The following PCDHA2 variants were observed in gnomAD, a reference collection of about 807,000 sequenced individuals.
PCDHA2 encodes protocadherin alpha 2, also known as protocadherin alpha-2.
PCDHA2 carries 58 observed loss-of-function variants against 66.0 expected under a neutral mutation model. That is an observed-to-expected ratio of 0.88 (90% CI 0.71 to 1.09). The LOEUF (loss-of-function observed/expected upper bound fraction) is 1.09. PCDHA2 is among the 50% of genes least tolerant of loss of function. The probability of loss-of-function intolerance (pLI) is 0.00; values close to 1 mark genes in which losing one functional copy is unlikely to be tolerated. For synonymous variants in PCDHA2, 634 were observed against 554.0 expected, an observed-to-expected ratio of 1.14 and a Z score of -2.03; for missense variants, 1,267 against 1,242.3, an observed-to-expected ratio of 1.02 and a Z score of -0.30.
In PCDHA2 at chr5:140,795,539, T is replaced by G; in HGVS notation, c.575T>G (p.Leu192Trp). The G allele has an allele frequency of 6.2e-7, 1 of 1,614,150 alleles. No individual in the cohort carries two copies. The highest frequency in any genetic ancestry group is 8.5e-7 in the Non-Finnish European group (1 of 1,180,028). The change falls in exon 1 of 4, where the codon TTG becomes TGG. Residue 192 changes from leucine (L) to tryptophan (W), a missense_variant. Leu to Trp is a moderately conservative substitution (Grantham distance 61, BLOSUM62 -2). Coordinates refer to ENST00000526136, the MANE Select transcript of PCDHA2 (RefSeq NM_018905.3). ...GCAAATGATGAACTAAGCGAATCTTTGTCTCTCGTGCTGGGGAAATCGCTG... is the reference window on the plus strand; with the variant it reads ...GCAAATGATGAACTAAGCGAATCTTGGTCTCTCGTGCTGGGGAAATCGCTG... ...IQANDELSESLSLVLGKSLDR... is the reference protein window; with the variant it reads ...IQANDELSESWSLVLGKSLDR...
At chr5:140,809,825 T>G (rs1764550804) in intron 1 of PCDHA2, 1 of 373,208 alleles carries the variant, frequency 2.7e-6, no homozygotes, top group Admixed American at 4.3e-5. Context: ...ATATTCACCC[T>G]CTTTGTTTTT....
chr5:140,874,505 T>C (rs550206385), intron 1 of PCDHA2, among the ~76,000 whole-genome samples: 1 of 152,366 alleles, frequency 6.6e-6, no homozygotes, highest in African/African-American at 2.4e-5. Context: ...GTTCACATTC[T>C]CTTGACTTTA....
chr5:140,813,856 A>T (rs1765389446), intron 1 of PCDHA2: 1 of 152,236 alleles, frequency 6.6e-6, no homozygotes, highest in Non-Finnish European at 1.5e-5. Flanking sequence ...AAAATTAGCT[A>T]GGTGTGGTGA....
At chr5:140,975,365 A>G (rs186836387) in intron 1 of PCDHA2, among the ~76,000 whole-genome samples, 5 of 152,370 alleles carry the variant, frequency 3.3e-5, no homozygotes, top group Admixed American at 2.0e-4. Context: ...GCTACATAGC[A>G]TAATGTAATC....
chr5:141,000,839 C>G (rs1194048512), intron 3 of PCDHA2, among the ~76,000 whole-genome samples: 1 of 151,970 alleles, frequency 6.6e-6, no homozygotes, highest in Admixed American at 6.6e-5. Flanking sequence ...TCCAGGAGAT[C>G]CAGTCTGGCA....
intron 1 of PCDHA2, chr5:140,805,465 T>C (rs1201496282): frequency 3.0e-6 from 3 of 1,013,086 alleles, no homozygotes; most frequent in Non-Finnish European, 3.5e-6. Flanking sequence ...GTGAGTGTAG[T>C]TCTTCAATAG....
intron 1 of PCDHA2, among the ~76,000 whole-genome samples, chr5:140,976,378 C>T (rs908008970): frequency 6.6e-6 from 1 of 151,926 alleles, no homozygotes; most frequent in Admixed American, 6.6e-5. Context: ...TGGTGAAACC[C>T]CATCTCTACT....
chr5:140,859,508 T>G (rs1298997050), intron 1 of PCDHA2: 1 of 197,594 alleles, frequency 5.1e-6, no homozygotes, highest in Non-Finnish European at 1.0e-5. Context: ...CTGATACCCA[T>G]GATTTCATTT....
chr5:140,837,346 A>T (rs1387832105), intron 1 of PCDHA2, among the ~76,000 whole-genome samples: 1 of 152,056 alleles, frequency 6.6e-6, no homozygotes, highest in African/African-American at 2.4e-5. Flanking sequence ...AATTTAAAAT[A>T]GTTTAAATGG....
Position 140,823,081 on chromosome 5 carries a change from G to A in PCDHA2, c.2388+25729G>A, listed in dbSNP as rs2150122016. On this transcript the variant is annotated intron_variant, in intron 1 of 3. Transcript: ENST00000526136. ...GGACGGGGGCTCGCCTTCGCTGTGG[G>A]CCACCGCCAGCGTGTCTGTGGAAGT... 282 of 1,613,818 alleles carry A rather than the reference G, an allele frequency of 1.7e-4. 1 individual carries two copies. The highest frequency in any genetic ancestry group is 2.2e-4 in the Non-Finnish European group (265 of 1,180,014).
Position 140,978,929 on chromosome 5 carries a change from C to T in PCDHA2, c.2389-20C>T. 6.2e-7 allele frequency: 1 copy of T among 1,613,998 alleles called. No homozygotes were observed. Among genetic ancestry groups the T allele is most frequent in the Non-Finnish European group, 8.5e-7 (1 of 1,179,996 alleles). On this transcript the variant is annotated intron_variant, in intron 1 of 3. Coordinates refer to ENST00000526136, the MANE Select transcript of PCDHA2 (RefSeq NM_018905.3). ...ATTGTCTTGTCATTTTAACAGAAAACTCTCTTTGTGATTTTGCAGCCACGA... is the reference window on the plus strand; with the variant it reads ...ATTGTCTTGTCATTTTAACAGAAAATTCTCTTTGTGATTTTGCAGCCACGA...
chr5:140,830,293 G>A (rs2150184620), intron 1 of PCDHA2: 3 of 1,613,856 alleles, frequency 1.9e-6, no homozygotes, highest in Non-Finnish European at 2.5e-6. Flanking sequence ...CGTGCACGGC[G>A]GACAAGCCCA....
intron 1 of PCDHA2, chr5:140,852,998 C>A (rs2150526910): frequency 6.5e-6 from 2 of 309,332 alleles, no homozygotes; most frequent in East Asian, 1.7e-4. Context: ...CCTGCCTCAG[C>A]CTCCCGAGTA....
intron 1 of PCDHA2, among the ~76,000 whole-genome samples, chr5:140,953,146 A>G (rs1554220822): frequency 6.6e-6 from 1 of 152,152 alleles, no homozygotes; most frequent in Non-Finnish European, 1.5e-5. Context: ...TTATATTTCT[A>G]TGAAGGGTGT....
chr5:140,966,709 G>C, intron 1 of PCDHA2: 1 of 1,387,174 alleles, frequency 7.2e-7, no homozygotes. Context: ...CGTGGGGCAC[G>C]GCTGGGGAAG....
At chr5:140,907,341 G>A (rs376587538) in intron 1 of PCDHA2, among the ~76,000 whole-genome samples, 1 of 152,326 alleles carries the variant, frequency 6.6e-6, no homozygotes, top group South Asian at 2.1e-4. Context: ...ATATGCATGA[G>A]CCCGCTGCTG....
intron 1 of PCDHA2, among the ~76,000 whole-genome samples, chr5:140,901,222 C>A (rs1336015424): frequency 6.6e-6 from 1 of 151,984 alleles, no homozygotes; most frequent in Admixed American, 6.6e-5. Context: ...TGATGTGATC[C>A]CATATATCCA....
At chr5:140,824,094 A>T in intron 1 of PCDHA2, 1 of 1,614,156 alleles carries the variant, frequency 6.2e-7, no homozygotes, top group Non-Finnish European at 8.5e-7. Context: ...CCTTCAGTCC[A>T]AGCCTTCCTC....
intron 1 of PCDHA2, chr5:140,803,263 C>G: frequency 6.2e-7 from 1 of 1,613,934 alleles, no homozygotes; most frequent in Non-Finnish European, 8.5e-7. Context: ...GCCACGGGCC[C>G]GGAAGCTGCA....
Sources: gnomAD v4.1 joint callset for allele counts (sites outside exome capture counted in the v4.1 genomes callset) on GRCh38, gnomAD v4.1.1 for gene constraint, MANE v1.5 for transcripts, NCBI Gene and HGNC (gene_info 2026-07-23, HGNC 2026-07-21) for gene names.